The following ZNF438 variants were observed in gnomAD, a reference collection of about 807,000 sequenced individuals.
The protein encoded by ZNF438 is zinc finger protein 438.
A neutral mutation model predicts 38.0 loss-of-function variants in ZNF438; 25 were observed. The observed-to-expected ratio is 0.66, with a 90% CI of 0.48 to 0.92. The LOEUF (loss-of-function observed/expected upper bound fraction) is 0.92, where lower values mean the gene tolerates loss of function less well. Among genes scored for constraint, ZNF438 ranks in the 40% least tolerant of loss-of-function variants. ZNF438 has a pLI of 0.00. For missense variants in ZNF438, 1,007 were observed against 999.6 expected (o/e 1.01, Z -0.10); for synonymous variants, 372 against 364.1 (o/e 1.02, Z -0.25).
At chr10:30,903,670 T>A (rs2042286127) in intron 3 of ZNF438, among the ~76,000 whole-genome samples, 1 of 152,184 alleles carries the variant, frequency 6.6e-6, no homozygotes, top group Admixed American at 6.5e-5. Flanking sequence ...CTGCTTGAGG[T>A]TGAGCCTTTT....
At chr10:30,889,290 C>A (rs557663125) in intron 3 of ZNF438, among the ~76,000 whole-genome samples, 2 of 152,264 alleles carry the variant, frequency 1.3e-5, no homozygotes, top group Non-Finnish European at 2.9e-5. Context: ...ATAGTAAATT[C>A]TTAATGCTTA....
intron 1 of ZNF438, among the ~76,000 whole-genome samples, chr10:30,993,335 C>G (rs926185850): frequency 1.3e-5 from 2 of 152,184 alleles, no homozygotes; most frequent in Admixed American, 1.3e-4. Flanking sequence ...GCATTCTGCA[C>G]AGCCCGCTGT....
At chr10:30,918,349 G>A (rs1272393179) in intron 2 of ZNF438, among the ~76,000 whole-genome samples, 1 of 152,136 alleles carries the variant, frequency 6.6e-6, no homozygotes, top group East Asian at 1.9e-4. Context: ...TGAATCTACA[G>A]ATCAATTTTG....
At chr10:31,001,378 C>G (rs575241063) in intron 1 of ZNF438, among the ~76,000 whole-genome samples, 2 of 152,152 alleles carry the variant, frequency 1.3e-5, no homozygotes, top group South Asian at 4.2e-4. Flanking sequence ...GCTTGGGGAC[C>G]TAATTCAGTC....
intron 1 of ZNF438, among the ~76,000 whole-genome samples, chr10:30,952,031 T>C (rs554264718): frequency 6.0e-5 from 9 of 148,866 alleles, no homozygotes; most frequent in Non-Finnish European, 1.2e-4. Context: ...CAAAACAGCA[T>C]GGTACTGGTA....
intron 1 of ZNF438, among the ~76,000 whole-genome samples, chr10:31,003,989 T>C (rs2054893573): frequency 6.6e-6 from 1 of 152,234 alleles, no homozygotes; most frequent in African/African-American, 2.4e-5. Context: ...GACATTCAAG[T>C]GGAGATGTCA....
chr10:30,965,807 G>A (rs1161188048), intron 1 of ZNF438, among the ~76,000 whole-genome samples: 2 of 151,958 alleles, frequency 1.3e-5, no homozygotes, highest in Non-Finnish European at 2.9e-5. Flanking sequence ...TTAACTATTG[G>A]GTACTATGCT....
intron 2 of ZNF438, among the ~76,000 whole-genome samples, chr10:30,926,436 G>C (rs1203013755): frequency 6.6e-6 from 1 of 152,160 alleles, no homozygotes; most frequent in African/African-American, 2.4e-5. Flanking sequence ...GGGAGGCCGA[G>C]GCGAGTGGAT....
intron 2 of ZNF438, among the ~76,000 whole-genome samples, chr10:30,910,683 C>CAAAAAA (rs11375197): frequency 2.2e-5 from 2 of 89,762 alleles, no homozygotes; most frequent in Admixed American, 1.2e-4. Context: ...GTATATTGGC[C>CAAAAAA]AAAAAAAAAA....
chr10:30,949,236 A>G (rs1374316499), intron 1 of ZNF438, among the ~76,000 whole-genome samples: 1 of 151,850 alleles, frequency 6.6e-6, no homozygotes, highest in Admixed American at 6.6e-5. Flanking sequence ...GCCCTAAAAG[A>G]GCTCCTGAAG....
At chr10:30,937,189 G>A (rs1024852355) in intron 2 of ZNF438, among the ~76,000 whole-genome samples, 1 of 152,216 alleles carries the variant, frequency 6.6e-6, no homozygotes, top group African/African-American at 2.4e-5. Context: ...CAAATGGAGG[G>A]TGAGGGGCTG....
intron 2 of ZNF438, among the ~76,000 whole-genome samples, chr10:30,938,650 C>T (rs555197895): frequency 5.6e-4 from 86 of 152,276 alleles, no homozygotes; most frequent in African/African-American, 1.9e-3. Context: ...TATGATATTC[C>T]ATTCTGATAA....
chr10:30,960,318 C>T (rs2049325731), intron 1 of ZNF438, among the ~76,000 whole-genome samples: 1 of 146,880 alleles, frequency 6.8e-6, no homozygotes, highest in African/African-American at 2.4e-5. Flanking sequence ...ATGGCTCATG[C>T]TTCTGGTGTC....
intron 4 of ZNF438, among the ~76,000 whole-genome samples, chr10:30,876,348 T>G (rs2038415287): frequency 6.6e-6 from 1 of 152,106 alleles, no homozygotes; most frequent in Non-Finnish European, 1.5e-5. Flanking sequence ...AAGACTGGTA[T>G]TTCTCCCCGG....
At chr10:30,943,374 G>A (rs78454972) in intron 1 of ZNF438, among the ~76,000 whole-genome samples, 5 of 152,016 alleles carry the variant, frequency 3.3e-5, no homozygotes, top group African/African-American at 1.2e-4. Context: ...GGAAAGGGAG[G>A]AGGAGAGAAG....
chr10:30,972,171 T>C (rs1287853983), intron 1 of ZNF438, among the ~76,000 whole-genome samples: 1 of 151,984 alleles, frequency 6.6e-6, no homozygotes, highest in African/African-American at 2.4e-5. Context: ...GGGTTTCACC[T>C]TGTTAGCCAG....
At chr10:30,968,808 T>C (rs1050036333) in intron 1 of ZNF438, among the ~76,000 whole-genome samples, 3 of 152,086 alleles carry the variant, frequency 2.0e-5, no homozygotes, top group African/African-American at 7.2e-5. Flanking sequence ...TAGCTGTTAC[T>C]TGGAAAAGCA....
At chr10:30,897,706 G>A (rs1465897692) in intron 3 of ZNF438, among the ~76,000 whole-genome samples, 1 of 152,178 alleles carries the variant, frequency 6.6e-6, no homozygotes. Context: ...AAGCAGCAAG[G>A]TCATTTCCTC....
intron 3 of ZNF438, among the ~76,000 whole-genome samples, chr10:30,899,838 G>T (rs779641481): frequency 6.6e-6 from 1 of 151,988 alleles, no homozygotes; most frequent in Admixed American, 6.5e-5. Flanking sequence ...TTTAACCAAC[G>T]TAGAAAATTA....
Sources: gnomAD v4.1 joint callset for allele counts (sites outside exome capture counted in the v4.1 genomes callset) on GRCh38, gnomAD v4.1.1 for gene constraint, MANE v1.5 for transcripts, NCBI Gene and HGNC (gene_info 2026-07-23, HGNC 2026-07-21) for gene names.